Variants in SYT4 observed in about 807,000 individuals in gnomAD.
SYT4 encodes synaptotagmin 4.
Under a neutral mutation model 32.9 loss-of-function variants are expected in SYT4, and 7 were observed. The observed-to-expected ratio is 0.21, with a 90% CI of 0.12 to 0.40. SYT4 has a LOEUF of 0.40. SYT4 is among the 10% of genes least tolerant of loss of function. SYT4 has a pLI of 1.00. For missense variants in SYT4, 480 were observed against 488.0 expected (o/e 0.98, Z 0.16); for synonymous variants, 205 against 186.2 (o/e 1.10, Z -0.82).
rs1908706325 is a variant in SYT4, at chr18:43,273,855, G to C, written c.574C>G (p.Pro192Ala). Residue 192 changes from proline to alanine, a missense_variant, in exon 2 of 4, where the codon CCA (proline) becomes GCA (alanine). By Grantham distance (27) the Pro-to-Ala change is conservative. Coordinates refer to ENST00000255224, the MANE Select transcript of SYT4 (RefSeq NM_020783.4). Reference protein sequence around the residue: ...AMDEQSMTSDPYIKMTILPEK... With the variant: ...AMDEQSMTSDAYIKMTILPEK... ...GGGAGGATCGTCATTTTGATATATG[G>C]GTCAGAGGTCATCGACTGCTCATCC... 1 of 1,613,832 alleles carries C rather than the reference G, an allele frequency of 6.2e-7. No homozygotes were observed. The highest frequency in any genetic ancestry group is 1.3e-5 in the African/African-American group (1 of 74,884).
Position 43,270,347 on chromosome 18 carries a change from A to T in SYT4, c.1272T>A (p.Asp424Glu). 2 of 1,613,654 alleles carry T rather than the reference A, an allele frequency of 1.2e-6. No individual in the cohort carries two copies. The highest frequency in any genetic ancestry group is 1.7e-6 in the Non-Finnish European group (2 of 1,179,632). Residue 424 changes from aspartate to glutamate, a missense_variant, in exon 4 of 4, where the codon GAT becomes GAA. By Grantham distance (45) the Asp-to-Glu change is conservative. Transcript: ENST00000255224. The part of the protein sequence containing the change: ...RQIAKWHVLC[D>E]G ...CCAACTCACGGCTAGGATGCTAACC[A>T]TCACAGAGCACGTGCCACTTGGCAA...
intron 1 of SYT4, among the ~76,000 whole-genome samples, chr18:43,275,884 G>C (rs1267583746): frequency 1.4e-5 from 2 of 146,122 alleles, no homozygotes; most frequent in Non-Finnish European, 3.1e-5. Context: ...TTCTATTCAA[G>C]TCTTTGTGAA....
chr18:43,274,922 T>C (rs1234852729), intron 1 of SYT4, among the ~76,000 whole-genome samples: 2 of 152,114 alleles, frequency 1.3e-5, no homozygotes, highest in Non-Finnish European at 2.9e-5. Flanking sequence ...AACTCATTAA[T>C]AATTTTCATC....
In SYT4 at chr18:43,274,085, G is replaced by A. The variant is rs1041086472; in HGVS notation, c.344C>T (p.Pro115Leu). The change falls in exon 2 of 4, where the codon CCT (proline) becomes CTT (leucine). Residue 115 changes from proline to leucine, a missense_variant. By Grantham distance (98) the Pro-to-Leu change is moderately conservative (BLOSUM62 -3). Transcript: ENST00000255224. ...FPKTNLKPGS[P>L]SDLENATPKL... ...CGGGGTTGCATTCTCCAGATCAGAA[G>A]GACTGCCAGGTTTGAGGTTGGTTTT... 1.2e-6 allele frequency: 2 copies of A among 1,613,950 alleles called. No homozygotes were observed. The highest frequency in any genetic ancestry group is 1.7e-6 in the Non-Finnish European group (2 of 1,179,976).
At chr18:43,274,481 T>G in intron 1 of SYT4, 87 bp from the exon 2 acceptor site, 6 of 1,052,136 alleles carry the variant, frequency 5.7e-6, no homozygotes, top group Non-Finnish European at 8.0e-6. Flanking sequence ...AGCTAGCAAT[T>G]GCTATAGGTT....
intron 2 of SYT4, chr18:43,272,191 A>G (rs1215027088): frequency 6.3e-6 from 1 of 159,034 alleles, no homozygotes; most frequent in African/African-American, 2.4e-5. Flanking sequence ...TAATAGTAAT[A>G]AAGCTTATCT....
intron 1 of SYT4, among the ~76,000 whole-genome samples, chr18:43,274,903 A>T (rs1448811721): frequency 6.6e-6 from 1 of 152,136 alleles, no homozygotes; most frequent in African/African-American, 2.4e-5. Context: ...GATATTTGCC[A>T]TTGCCACAAA....
At chr18:43,273,150 A>T (rs1326424348) in intron 2 of SYT4, among the ~76,000 whole-genome samples, 5 of 151,940 alleles carry the variant, frequency 3.3e-5, no homozygotes, top group African/African-American at 1.2e-4. Flanking sequence ...AAGTCAATAC[A>T]ATTTCCAAAT....
intron 2 of SYT4, among the ~76,000 whole-genome samples, chr18:43,272,781 G>T (rs184565016): frequency 5.3e-5 from 8 of 152,166 alleles, no homozygotes; most frequent in Admixed American, 4.6e-4. Context: ...TCTGAACCTT[G>T]ACCGTCATTA....
intron 2 of SYT4, among the ~76,000 whole-genome samples, chr18:43,272,346 C>A (rs1908656821): frequency 6.6e-6 from 1 of 152,126 alleles, no homozygotes; most frequent in South Asian, 2.1e-4. Flanking sequence ...CTGATCCCAA[C>A]TACATTCCTG....
chr18:43,277,322 T>G lies in SYT4; in HGVS notation c.-41A>C. The G allele has an allele frequency of 6.2e-7, 1 of 1,613,452 alleles. No homozygotes were observed. Among genetic ancestry groups the G allele is most frequent in the Non-Finnish European group, 8.5e-7 (1 of 1,179,474 alleles). On this transcript the variant is annotated 5_prime_UTR_variant, in exon 1 of 4. Transcript: ENST00000255224. ...CTGTCCGAGGTGCTGAAGGGAAAAC[T>G]GCCTGGCTGGATTCACTTGCCTGGA...
In SYT4 at chr18:43,273,838, C is replaced by T. The variant is rs150432952; in HGVS notation, c.591G>A (p.Thr197=). 1.9e-6 allele frequency: 3 copies of T among 1,613,978 alleles called. No individual in the cohort carries two copies. Among genetic ancestry groups the T allele is most frequent in the Admixed American group, 1.7e-5 (1 of 60,000 alleles). Reference sequence around the variant, plus strand: ...CTTTATGCTTCTTCTCTGGGAGGATCGTCATTTTGATATATGGGTCAGAGG... The same window carrying T: ...CTTTATGCTTCTTCTCTGGGAGGATTGTCATTTTGATATATGGGTCAGAGG... ...SMTSDPYIKM[T]ILPEKKHKVK... The change falls in exon 2 of 4, where the codon ACG becomes ACA. Residue 197 remains threonine (T), a synonymous_variant. Transcript: ENST00000255224.
At position 43,270,376 on chromosome 18, in the gene SYT4, G is replaced by T. The variant is rs764063961; in HGVS notation, c.1243C>A (p.Gln415Lys). ...CAGAGCACGTGCCACTTGGCAATTT[G>T]TCTCCTGGGGTAGTCACAGATCTCT... The part of the protein sequence containing the change: ...WKEICDYPRR[Q>K]IAKWHVLCDG Residue 415 changes from glutamine (Q) to lysine (K), a missense_variant, in exon 4 of 4, where the codon CAA (glutamine) becomes AAA (lysine). Gln to Lys is a moderately conservative substitution (Grantham distance 53, BLOSUM62 1). Coordinates refer to ENST00000255224, the MANE Select transcript of SYT4 (RefSeq NM_020783.4). The T allele has an allele frequency of 6.2e-7, 1 of 1,614,046 alleles. No individual in the cohort carries two copies. The highest frequency in any genetic ancestry group is 8.5e-7 in the Non-Finnish European group (1 of 1,179,956).
intron 2 of SYT4, chr18:43,272,222 G>A (rs1908653546): frequency 6.5e-6 from 1 of 154,650 alleles, no homozygotes; most frequent in African/African-American, 2.4e-5. Context: ...ATGAGTATGT[G>A]TTGGGTCAAA....
rs1908501013 is a variant in SYT4 at position 43,267,912 on chromosome 18, A to C, written c.*2429T>G. On this transcript the variant is annotated 3_prime_UTR_variant, in exon 4 of 4. Transcript: ENST00000255224. ...ACGGGTTGGGCAAAAGCAGCAATTT[A>C]TTCATGTCTTACAAACATGGTCTTA... is the stretch of plus-strand genomic sequence containing the variant. The C allele has an allele frequency of 6.6e-6, 1 of 152,212 alleles. No homozygotes were observed. The allele number at this position is 152,212 out of a possible 1,614,324, so 9.4% of individuals were successfully genotyped here.
At position 43,277,337 on chromosome 18, in the gene SYT4, A is replaced by T. The variant is rs1908828246; in HGVS notation, c.-56T>A. ...AAGGGAAAACTGCCTGGCTGGATTCACTTGCCTGGATCTCAAGCGCCGGCT... is the reference window on the plus strand; with the variant it reads ...AAGGGAAAACTGCCTGGCTGGATTCTCTTGCCTGGATCTCAAGCGCCGGCT... On this transcript the variant is annotated 5_prime_UTR_variant, in exon 1 of 4. Transcript: ENST00000255224. 1.2e-6 allele frequency: 2 copies of T among 1,607,806 alleles called. No homozygotes were observed. Among genetic ancestry groups the T allele is most frequent in the Non-Finnish European group, 1.7e-6 (2 of 1,174,596 alleles).
In SYT4 at chr18:43,270,227, A is replaced by G. The variant is rs1438887421; in HGVS notation, c.*114T>C. On this transcript the variant is annotated 3_prime_UTR_variant, in exon 4 of 4. Coordinates refer to ENST00000255224, the MANE Select transcript of SYT4 (RefSeq NM_020783.4). ...CTAATTCAATCCATTTCTAGCAACA[A>G]CAACAACAACAAAAAGGTAGCTTGA... The G allele has an allele frequency of 1.2e-5, 13 of 1,127,696 alleles. No homozygotes were observed. Among genetic ancestry groups the G allele is most frequent in the South Asian group, 1.5e-5 (1 of 66,006 alleles). 69.9% of individuals were successfully genotyped at this position (1,127,696 alleles called of 1,614,324 possible).
At chr18:43,277,174 A>C in intron 1 of SYT4, 74 bp downstream of exon 1, 1 of 1,584,562 alleles carries the variant, frequency 6.3e-7, no homozygotes, top group East Asian at 2.3e-5. Context: ...ACCGGGCAAA[A>C]AATAAATGAA....
intron 2 of SYT4, 47 bp downstream of exon 2, chr18:43,273,533 A>T: frequency 7.4e-7 from 1 of 1,359,858 alleles, no homozygotes; most frequent in Non-Finnish European, 1.0e-6. Flanking sequence ...CCAAAATGCT[A>T]CATAAAAGAT....
Sources: allele counts gnomAD v4.1 joint callset (sites outside exome capture counted in the v4.1 genomes callset), GRCh38; gene constraint gnomAD v4.1.1; transcripts MANE v1.5; gene names NCBI Gene and HGNC (gene_info 2026-07-23, HGNC 2026-07-21).